ELAPOR2: variants seen among roughly 807,000 people sequenced by gnomAD.
ELAPOR2 encodes the protein endosome-lysosome associated apoptosis and autophagy regulator family member 2.
In ELAPOR2, 89 loss-of-function variants were observed where a neutral mutation model predicts 120.7. The observed-to-expected ratio is 0.74, with a 90% CI of 0.62 to 0.88. The LOEUF is 0.88. Ranked by LOEUF, ELAPOR2 falls within the 40% of genes least tolerant of loss-of-function variation. The pLI is 0.00. For synonymous variants in ELAPOR2, 444 were observed against 444.9 expected, an observed-to-expected ratio of 1.00 and a Z score of 0.03; for missense variants, 1,134 against 1,251.6, an observed-to-expected ratio of 0.91 and a Z score of 1.42.
At chr7:86,997,286 A>G (rs978245555) in intron 1 of ELAPOR2, among the ~76,000 whole-genome samples, 1 of 149,388 alleles carries the variant, frequency 6.7e-6, no homozygotes, top group African/African-American at 2.5e-5. Context: ...ACAAACTTAA[A>G]TGAAAGCAGA....
chr7:86,902,322 G>A (rs1032326030), intron 18 of ELAPOR2, among the ~76,000 whole-genome samples: 9 of 151,830 alleles, frequency 5.9e-5, no homozygotes, highest in South Asian at 4.2e-4. Flanking sequence ...GATTACAGGC[G>A]CCCGCCACAA....
intron 8 of ELAPOR2, among the ~76,000 whole-genome samples, chr7:86,930,155 T>C (rs1017255604): frequency 6.6e-6 from 1 of 152,094 alleles, no homozygotes; most frequent in Admixed American, 6.6e-5. Flanking sequence ...TTCAGGGCTT[T>C]AATCAAGAAA....
rs1791070485 is a variant in ELAPOR2 at position 86,947,821 on chromosome 7, C to A, written c.412G>T (p.Glu138Ter). The A allele has an allele frequency of 6.4e-7, 1 of 1,551,910 alleles. No individual in the cohort carries two copies. The change falls in exon 3 of 22, where the codon GAA becomes TAA. Residue 138 changes from glutamate to a stop codon, truncating the protein, a stop_gained. Coordinates refer to ENST00000450689, the MANE Select transcript of ELAPOR2 (RefSeq NM_001142749.3). LOFTEE classifies it high-confidence loss of function. ...YSLGSGIKFD[E>*]WDELPAGFSN... is the part of the protein sequence containing the mutation. ...AATCCTGCCGGCAATTCATCCCATTCATCAAATTTGATGCCACTGCCCAAG... is the reference window on the plus strand; with the variant it reads ...AATCCTGCCGGCAATTCATCCCATTAATCAAATTTGATGCCACTGCCCAAG...
intron 8 of ELAPOR2, among the ~76,000 whole-genome samples, chr7:86,927,723 G>A (rs932666124): frequency 4.6e-5 from 7 of 151,842 alleles, no homozygotes; most frequent in Admixed American, 1.3e-4. Flanking sequence ...TTAGCCATTC[G>A]AAAACAAAAT....
intron 18 of ELAPOR2, among the ~76,000 whole-genome samples, chr7:86,906,608 C>T (rs1157928708): frequency 1.3e-5 from 2 of 151,986 alleles, no homozygotes; most frequent in African/African-American, 4.8e-5. Flanking sequence ...TACTGTGAAA[C>T]TATCAAAAAC....
At chr7:87,022,129 G>T (rs762238497) in intron 1 of ELAPOR2, among the ~76,000 whole-genome samples, 2 of 151,950 alleles carry the variant, frequency 1.3e-5, no homozygotes, top group Non-Finnish European at 2.9e-5. Context: ...TGCACAACAT[G>T]CAGGTTTGTT....
intron 18 of ELAPOR2, among the ~76,000 whole-genome samples, chr7:86,899,208 T>C (rs1788598599): frequency 6.6e-6 from 1 of 152,258 alleles, no homozygotes; most frequent in East Asian, 1.9e-4. Context: ...CAGGTAAACA[T>C]AGCATGGCTG....
Position 86,940,089 on chromosome 7 carries a change from T to A in ELAPOR2, c.768A>T (p.Ile256=). The change falls in exon 6 of 22, where the codon ATA becomes ATT. Residue 256 remains isoleucine (I), a synonymous_variant. Coordinates refer to ENST00000450689, the MANE Select transcript of ELAPOR2 (RefSeq NM_001142749.3). ...HSVMLKSGTN[I]LYWRTTGILM... is the part of the protein sequence containing the mutation. ...GGATGCCTGTAGTTCTCCAGTAGAG[T>A]ATGTTTGTGCCTGATTTCAGCATTA... 1.2e-6 allele frequency: 2 copies of A among 1,611,574 alleles called. No homozygotes were observed. The highest frequency in any genetic ancestry group is 1.7e-6 in the Non-Finnish European group (2 of 1,178,408).
At chr7:87,039,018 C>CT (rs1024581904) in intron 1 of ELAPOR2, among the ~76,000 whole-genome samples, 1 of 151,784 alleles carries the variant, frequency 6.6e-6, no homozygotes, top group African/African-American at 2.4e-5. Context: ...ATTGACAAAA[C>CT]TTTAGCTAGA....
At chr7:86,970,788 T>C (rs555291545) in intron 1 of ELAPOR2, among the ~76,000 whole-genome samples, 1 of 151,888 alleles carries the variant, frequency 6.6e-6, no homozygotes, top group African/African-American at 2.4e-5. Flanking sequence ...AATATGTATC[T>C]GATCTATTTA....
At chr7:87,058,517 AC>A (rs938666254) in intron 1 of ELAPOR2, among the ~76,000 whole-genome samples, 7 of 151,780 alleles carry the variant, frequency 4.6e-5, no homozygotes, top group African/African-American at 9.7e-5. Flanking sequence ...AACCAATGAC[AC>A]CCCCTGTAAA....
chr7:86,918,592 A>T, intron 11 of ELAPOR2, 48 bp from the exon 12 acceptor site: 1 of 1,135,514 alleles, frequency 8.8e-7, no homozygotes, highest in Non-Finnish European at 1.3e-6. Flanking sequence ...TTCTAAATAC[A>T]ATTTAGAATA....
intron 1 of ELAPOR2, among the ~76,000 whole-genome samples, chr7:86,974,021 G>T (rs943818642): frequency 6.6e-6 from 1 of 151,756 alleles, no homozygotes; most frequent in Non-Finnish European, 1.5e-5. Context: ...GGGTCTTCAC[G>T]TAACTGGGTA....
In ELAPOR2 at chr7:86,879,565, C is replaced by T. The variant is rs1292323160; in HGVS notation, c.*906G>A. ...CATTTTCTGGAGACCATGAAATTAC[C>T]CCAGTATTTCATACAGTCATCTGTA... On this transcript the variant is annotated 3_prime_UTR_variant, in exon 22 of 22. Coordinates refer to ENST00000450689, the MANE Select transcript of ELAPOR2 (RefSeq NM_001142749.3). 6.6e-6 allele frequency: 1 copy of T among 151,972 alleles called. No individual in the cohort carries two copies. The highest frequency in any genetic ancestry group is 1.5e-5 in the Non-Finnish European group (1 of 67,980). The allele number at this position is 151,972 out of a possible 1,614,324, so 9.4% of individuals were successfully genotyped here. A position where few individuals can be genotyped will look rare whatever the true frequency, so the allele number is the denominator to read the frequency against.
chr7:87,027,954 G>C (rs886818334), intron 1 of ELAPOR2, among the ~76,000 whole-genome samples: 1 of 152,078 alleles, frequency 6.6e-6, no homozygotes, highest in African/African-American at 2.4e-5. Flanking sequence ...CAAATTAAAA[G>C]ACTGAAAATT....
At chr7:86,974,686 T>C (rs1020441708) in intron 1 of ELAPOR2, among the ~76,000 whole-genome samples, 3 of 151,770 alleles carry the variant, frequency 2.0e-5, no homozygotes. Context: ...CTAAGTGATG[T>C]GACTATCTTT....
At chr7:86,897,840 A>G (rs1364100049) in intron 18 of ELAPOR2, among the ~76,000 whole-genome samples, 1 of 152,172 alleles carries the variant, frequency 6.6e-6, no homozygotes, top group Non-Finnish European at 1.5e-5. Context: ...AAAAGATAAT[A>G]ACAAGTGTTG....
chr7:86,980,474 C>A (rs1792429191), intron 1 of ELAPOR2, among the ~76,000 whole-genome samples: 1 of 152,306 alleles, frequency 6.6e-6, no homozygotes, highest in African/African-American at 2.4e-5. Context: ...TTTACGGACA[C>A]CTTCCCTAGT....
chr7:87,011,605 A>G (rs1203780571), intron 1 of ELAPOR2, among the ~76,000 whole-genome samples: 1 of 152,262 alleles, frequency 6.6e-6, no homozygotes, highest in Non-Finnish European at 1.5e-5. Context: ...TGTATAAAAA[A>G]TACAGCCTTG....
Sources: gnomAD v4.1 joint callset for allele counts (sites outside exome capture counted in the v4.1 genomes callset) on GRCh38, gnomAD v4.1.1 for gene constraint, MANE v1.5 for transcripts, NCBI Gene and HGNC (gene_info 2026-07-23, HGNC 2026-07-21) for gene names.